The following WDR77 variants were observed in gnomAD, a reference collection of about 807,000 sequenced individuals.
The protein encoded by WDR77 is WD repeat domain 77.
In WDR77, 31 loss-of-function variants were observed where a neutral mutation model predicts 44.0. That is an observed-to-expected ratio of 0.70 (90% CI 0.53 to 0.95). The LOEUF (loss-of-function observed/expected upper bound fraction) is 0.95. Among genes scored for constraint, WDR77 ranks in the 40% least tolerant of loss-of-function variants. The probability of loss-of-function intolerance (pLI) is 0.00; values close to 1 mark genes in which losing one functional copy is unlikely to be tolerated. For synonymous variants in WDR77, 186 were observed against 165.7 expected, an observed-to-expected ratio of 1.12 and a Z score of -0.94; for missense variants, 390 against 423.9, an observed-to-expected ratio of 0.92 and a Z score of 0.70.
rs771751745 is a variant in WDR77, at chr1:111,449,164, C to T, written c.6G>A (p.Arg2=). 2 of 1,580,320 alleles carry T rather than the reference C, an allele frequency of 1.3e-6. No homozygotes were observed. Among genetic ancestry groups the T allele is most frequent in the African/African-American group, 1.3e-5 (1 of 74,586 alleles). The change falls in exon 1 of 10, where the codon CGG becomes CGA. Residue 2 remains arginine (R), a synonymous_variant. Coordinates refer to ENST00000235090, the MANE Select transcript of WDR77 (RefSeq NM_024102.4). The stretch of plus-strand genomic sequence containing the variant: ...GCACTAGGGGGGGTGGGGTTTCCTT[C>T]CGCATCTCCACGGTTCCAACTCCAA... M[R]KETPPPLVPP...
chr1:111,448,967 G>A (rs2101750524), intron 1 of WDR77, 88 bp downstream of exon 1: 1 of 1,538,816 alleles, frequency 6.5e-7, no homozygotes, highest in East Asian at 2.4e-5. Context: ...TAACATGCAG[G>A]GCGGGGATGG....
chr1:111,443,459 A>G, intron 6 of WDR77, 65 bp from the exon 7 acceptor site: 1 of 1,465,026 alleles, frequency 6.8e-7, no homozygotes, highest in Admixed American at 2.0e-5. Context: ...TTCTCAAATG[A>G]TATCACTCTA....
chr1:111,442,143 C>T (rs757828154), intron 8 of WDR77, 50 bp from the exon 9 acceptor site: 1 of 1,581,314 alleles, frequency 6.3e-7, no homozygotes, highest in Non-Finnish European at 8.7e-7. Context: ...GATCCCAAGA[C>T]AAAACCTTAA....
chr1:111,441,564 G>A (rs1169047774), intron 9 of WDR77, 175 bp from the exon 10 acceptor site: 1 of 1,300,930 alleles, frequency 7.7e-7, no homozygotes, highest in Non-Finnish European at 9.7e-7. Context: ...GATGTCATCA[G>A]TCATCCAATC....
chr1:111,441,443 G>C lies in WDR77; in HGVS notation c.870-54C>G, dbSNP rs947744272. The C allele has an allele frequency of 1.2e-5, 17 of 1,421,398 alleles. No homozygotes were observed. In the South Asian group the frequency reaches 2.8e-4, roughly 24 times the overall value. The allele number at this position is 1,421,398 out of a possible 1,614,324, so 88.0% of individuals were successfully genotyped here. On this transcript the variant is annotated intron_variant, in intron 9 of 9. Transcript: ENST00000235090. ...AGTAGAGACAAGAAAAGCAGACCTG[G>C]AGAAAAAAAGAGAACCCAACACATC...
At chr1:111,441,967 A>G (rs1294395229) in intron 9 of WDR77, 58 bp downstream of exon 9, 1 of 1,489,556 alleles carries the variant, frequency 6.7e-7, no homozygotes, top group Non-Finnish European at 9.3e-7. Context: ...GAGGAAAATG[A>G]CTCGCCCACC....
intron 7 of WDR77, among the ~76,000 whole-genome samples, 195 bp downstream of exon 7, chr1:111,443,128 A>AAT (rs1477870081): frequency 2.6e-5 from 4 of 152,188 alleles, no homozygotes; most frequent in Admixed American, 2.6e-4. Flanking sequence ...CCACTGGGAA[A>AAT]ATAATCATGT....
Position 111,449,247 on chromosome 1 carries a change from G to T in WDR77, c.-78C>A, listed in dbSNP as rs1025546825. The T allele has an allele frequency of 4.6e-6, 7 of 1,536,332 alleles. No homozygotes were observed. In the East Asian group the frequency reaches 1.5e-4, roughly 32 times the overall value. On this transcript the variant is annotated 5_prime_UTR_variant, in exon 1 of 10. Coordinates refer to ENST00000235090, the MANE Select transcript of WDR77 (RefSeq NM_024102.4). Reference sequence around the variant, plus strand: ...CCGCTCCGGCAGCAAACCCCACGTGGTGCACCTCTGAGCCTCCGCCCCTCT... The same window carrying T: ...CCGCTCCGGCAGCAAACCCCACGTGTTGCACCTCTGAGCCTCCGCCCCTCT...
At chr1:111,442,123 G>A in intron 8 of WDR77, 30 bp from the exon 9 acceptor site, 1 of 1,605,900 alleles carries the variant, frequency 6.2e-7, no homozygotes, top group Non-Finnish European at 8.5e-7. Flanking sequence ...GTTGTGAAAG[G>A]TCCAGCCTGG....
At position 111,447,434 on chromosome 1, in the gene WDR77, C is replaced by A; in HGVS notation, c.443+1G>T. ...CAGGAGCAATGAGAACAGGGACCCA[C>A]CAGATGTCTTTGCTACCACTGACAG... On this transcript the variant is annotated splice_donor_variant, in intron 3 of 9. Coordinates refer to ENST00000235090, the MANE Select transcript of WDR77 (RefSeq NM_024102.4). LOFTEE classifies it high-confidence loss of function. 1 of 1,614,090 alleles carries A rather than the reference C, an allele frequency of 6.2e-7. No individual in the cohort carries two copies. The highest frequency in any genetic ancestry group is 8.5e-7 in the Non-Finnish European group (1 of 1,179,972).
At chr1:111,448,838 G>A in intron 1 of WDR77, 34 bp from the exon 2 acceptor site, 1 of 1,554,138 alleles carries the variant, frequency 6.4e-7, no homozygotes, top group Non-Finnish European at 8.7e-7. Flanking sequence ...CGCGTGAAGG[G>A]TAGAAGGGTT....
intron 7 of WDR77, 26 bp from the exon 8 acceptor site, chr1:111,442,787 A>G (rs1407643543): frequency 4.1e-6 from 6 of 1,467,774 alleles, no homozygotes; most frequent in Non-Finnish European, 5.5e-6. Flanking sequence ...AACATGTCAT[A>G]GTGATTAAGA....
rs1652778934 is a variant in WDR77 at position 111,440,913 on chromosome 1, T to A, written c.*317A>T. ...TACATAAAACCCTTTCGTCAACTTGTTTTGGGGGGTGAGAGAGAGGCAGTG... is the reference window on the plus strand; with the variant it reads ...TACATAAAACCCTTTCGTCAACTTGATTTGGGGGGTGAGAGAGAGGCAGTG... On this transcript the variant is annotated 3_prime_UTR_variant, in exon 10 of 10. Coordinates refer to ENST00000235090, the MANE Select transcript of WDR77 (RefSeq NM_024102.4). 1 of 181,994 alleles carries A rather than the reference T, an allele frequency of 5.5e-6. No individual in the cohort carries two copies. The highest frequency in any genetic ancestry group is 1.9e-4 in the South Asian group (1 of 5,138). The allele number at this position is 181,994 out of a possible 1,614,324, so 11.3% of individuals were successfully genotyped here.
In WDR77 at chr1:111,441,523, C is replaced by T. The variant is rs113907322; in HGVS notation, c.870-134G>A. On this transcript the variant is annotated intron_variant, in intron 9 of 9. Coordinates refer to ENST00000235090, the MANE Select transcript of WDR77 (RefSeq NM_024102.4). ...CATTTCACCAACTGTATGGCCTCAT[C>T]GCCAGGATAGCAGTGTAGCTATCCA... The T allele has an allele frequency of 2.3e-5, 30 of 1,323,974 alleles. No individual in the cohort carries two copies. In the African/African-American group the frequency reaches 3.7e-4, roughly 17 times the overall value. 82.0% of individuals were successfully genotyped at this position (1,323,974 alleles called of 1,614,324 possible). A position where few individuals can be genotyped will look rare whatever the true frequency, so the allele number is the denominator to read the frequency against.
At chr1:111,446,870 C>G (rs1226047703) in intron 4 of WDR77, 2 of 538,254 alleles carry the variant, frequency 3.7e-6, no homozygotes, top group Non-Finnish European at 6.6e-6. Flanking sequence ...TTGTTCTATT[C>G]TTTCCTCCCT....
chr1:111,443,935 G>A lies in WDR77; in HGVS notation c.565-14C>T, dbSNP rs770623237. ...AATTCTATTGTCCTAGAGGAAGGTG[G>A]AACAGAAAAAGGATTTCATAATCCA... On this transcript the variant is annotated splice_polypyrimidine_tract_variant and intron_variant, in intron 5 of 9. Transcript: ENST00000235090. 1 of 1,614,162 alleles carries A rather than the reference G, an allele frequency of 6.2e-7. No homozygotes were observed. The highest frequency in any genetic ancestry group is 1.1e-5 in the South Asian group (1 of 91,082).
At chr1:111,441,455 G>T (rs922175429) in intron 9 of WDR77, 66 bp from the exon 10 acceptor site, 43 of 1,417,250 alleles carry the variant, frequency 3.0e-5, no homozygotes, top group Non-Finnish European at 3.9e-5. Flanking sequence ...GAAAAAAAGA[G>T]AACCCAACAC....
At position 111,445,128 on chromosome 1, in the gene WDR77, T is replaced by C. The variant is rs144122436; in HGVS notation, c.494-1004A>G. ...TAAATAAGCATTTTTAGGTATCAGT[T>C]TAAAAATGTATGAGGGGGCACAGAT... On this transcript the variant is annotated intron_variant, in intron 4 of 9. Coordinates refer to ENST00000235090, the MANE Select transcript of WDR77 (RefSeq NM_024102.4). Among the ~76,000 whole-genome samples the C allele has an allele frequency of 5.1e-4, 78 of 152,322 alleles. 1 individual carries two copies. In the East Asian group the frequency reaches 0.01, roughly 20 times the overall value.
At chr1:111,446,326 C>T (rs74109559) in intron 4 of WDR77, among the ~76,000 whole-genome samples, 2,128 of 152,244 alleles carry the variant, frequency 0.014, 50 homozygotes, top group African/African-American at 0.049. Flanking sequence ...AAGTTAACTA[C>T]TAGTGCTGTT....
Sources: gnomAD v4.1 joint callset for allele counts (sites outside exome capture counted in the v4.1 genomes callset) on GRCh38, gnomAD v4.1.1 for gene constraint, MANE v1.5 for transcripts, NCBI Gene and HGNC (gene_info 2026-07-23, HGNC 2026-07-21) for gene names.